Variants in DCC observed in about 807,000 individuals in gnomAD.
DCC encodes the protein netrin receptor DCC.
A neutral mutation model predicts 172.5 loss-of-function variants in DCC; 58 were observed. The ratio of observed to expected loss-of-function variants is 0.34; its 90% CI spans 0.27 to 0.42. The LOEUF is 0.42. DCC is among the 10% of genes least tolerant of loss of function. The pLI is 1.00. For synonymous variants in DCC, 709 were observed against 644.5 expected (o/e 1.10, Z -1.52); for missense variants, 1,740 against 1,791.0 (o/e 0.97, Z 0.51).
intron 7 of DCC, among the ~76,000 whole-genome samples, chr18:53,145,344 G>A (rs921469213): frequency 2.0e-5 from 3 of 151,990 alleles, no homozygotes; most frequent in East Asian, 1.9e-4. Flanking sequence ...AGATCTCCTG[G>A]CCTCGTGATC....
chr18:53,300,981 CTTT>C (rs2057130807), intron 12 of DCC, among the ~76,000 whole-genome samples: 1 of 143,190 alleles, frequency 7.0e-6, no homozygotes, highest in African/African-American at 2.5e-5. Context: ...TTCTTTCTTT[CTTT>C]CTTTCTTTTT....
At chr18:53,198,438 TCTCTCTC>T (rs2055482820) in intron 9 of DCC, among the ~76,000 whole-genome samples, 1 of 45,474 alleles carries the variant, frequency 2.2e-5, no homozygotes, top group Non-Finnish European at 6.4e-5. Flanking sequence ...AGCAGCTCTC[TCTCTCTC>T]TCTCTCTCTC....
intron 1 of DCC, among the ~76,000 whole-genome samples, chr18:52,400,885 T>C (rs924540783): frequency 6.6e-6 from 1 of 151,458 alleles, no homozygotes; most frequent in African/African-American, 2.4e-5. Context: ...TAAGTGGGAG[T>C]TGGACAGTGA....
At chr18:53,166,164 T>A (rs9949312) in intron 8 of DCC, among the ~76,000 whole-genome samples, 63,882 of 151,730 alleles carry the variant, frequency 0.42, 14,227 homozygotes, top group East Asian at 0.71. Context: ...GGTGAGGGAG[T>A]AGGGGTTGTC....
intron 2 of DCC, among the ~76,000 whole-genome samples, chr18:52,883,206 A>T (rs2145407912): frequency 1.3e-5 from 2 of 152,252 alleles, no homozygotes; most frequent in East Asian, 3.9e-4. Flanking sequence ...TAATCTATTA[A>T]GACATTCTAT....
chr18:52,638,766 C>T lies in DCC; in HGVS notation c.92-113288C>T, dbSNP rs563518031. ...GCAACACAGTAATAGTCAGGGACTT[C>T]AATACTCCACCAACTGCACTAGACA... On this transcript the variant is annotated intron_variant, in intron 1 of 28. Transcript: ENST00000442544. Among the ~76,000 whole-genome samples, 19 of 152,152 alleles carry T rather than the reference C, an allele frequency of 1.2e-4. 1 individual carries two copies. Among genetic ancestry groups the T allele is most frequent in the African/African-American group, 4.3e-4 (18 of 41,524 alleles).
chr18:52,832,815 T>C (rs1353822417), intron 2 of DCC, among the ~76,000 whole-genome samples: 1 of 152,156 alleles, frequency 6.6e-6, no homozygotes, highest in South Asian at 2.1e-4. Context: ...GTTTGCCAGT[T>C]TGGGGTACAC....
chr18:53,225,858 C>T (rs931765235), intron 12 of DCC, among the ~76,000 whole-genome samples: 2 of 151,970 alleles, frequency 1.3e-5, no homozygotes, highest in Non-Finnish European at 2.9e-5. Flanking sequence ...GGGTTTTATT[C>T]AGTTTGATGT....
intron 1 of DCC, among the ~76,000 whole-genome samples, chr18:52,647,586 A>C (rs1045952184): frequency 2.6e-5 from 4 of 152,174 alleles, no homozygotes; most frequent in Non-Finnish European, 4.4e-5. Flanking sequence ...AACACTTGCA[A>C]CAGCCACTTG....
At chr18:53,305,839 C>G (rs754004184) in intron 13 of DCC, 120 bp downstream of exon 13, 1 of 995,950 alleles carries the variant, frequency 1.0e-6, no homozygotes, top group Non-Finnish European at 1.6e-6. Context: ...CAGGTGACAT[C>G]TATTGGCTGG....
chr18:53,029,869 T>G (rs1402728198), intron 5 of DCC, among the ~76,000 whole-genome samples: 2 of 152,152 alleles, frequency 1.3e-5, no homozygotes, highest in Non-Finnish European at 2.9e-5. Flanking sequence ...CTCTTAAAGA[T>G]AGTTGACTCG....
At chr18:52,513,464 T>C (rs1282519759) in intron 1 of DCC, among the ~76,000 whole-genome samples, 1 of 152,232 alleles carries the variant, frequency 6.6e-6, no homozygotes, top group African/African-American at 2.4e-5. Flanking sequence ...GAATTATTAC[T>C]GGCTTATGTT....
chr18:52,618,196 C>T (rs895212537), intron 1 of DCC, among the ~76,000 whole-genome samples: 1 of 152,008 alleles, frequency 6.6e-6, no homozygotes, highest in Non-Finnish European at 1.5e-5. Flanking sequence ...CTCTGTCATC[C>T]TTTAGAATGG....
chr18:53,046,602 G>A (rs2042242264), intron 5 of DCC, among the ~76,000 whole-genome samples: 2 of 151,908 alleles, frequency 1.3e-5, no homozygotes, highest in African/African-American at 4.8e-5. Flanking sequence ...TTGCTGGAAA[G>A]TGTTAAAAAG....
chr18:52,863,950 A>G (rs1034968480), intron 2 of DCC, among the ~76,000 whole-genome samples: 2 of 152,170 alleles, frequency 1.3e-5, no homozygotes, highest in African/African-American at 4.8e-5. Flanking sequence ...ATTATTTACC[A>G]GAAGACTGCT....
At chr18:52,658,800 A>T (rs1264765821) in intron 1 of DCC, among the ~76,000 whole-genome samples, 1 of 152,202 alleles carries the variant, frequency 6.6e-6, no homozygotes. Flanking sequence ...TCTAGGGAAG[A>T]CAAATAACTG....
chr18:53,482,197 A>G (rs1350441079), intron 25 of DCC, among the ~76,000 whole-genome samples: 1 of 152,174 alleles, frequency 6.6e-6, no homozygotes, highest in Admixed American at 6.6e-5. Flanking sequence ...TTATAAGTAA[A>G]TGTAGACTTC....
chr18:53,101,214 T>C (rs1409947873), intron 7 of DCC, among the ~76,000 whole-genome samples: 1 of 152,136 alleles, frequency 6.6e-6, no homozygotes, highest in Non-Finnish European at 1.5e-5. Context: ...ACACTCAGGA[T>C]GGATGGCGTG....
intron 1 of DCC, among the ~76,000 whole-genome samples, chr18:52,689,546 T>A (rs750084319): frequency 1.3e-5 from 2 of 152,158 alleles, no homozygotes; most frequent in Non-Finnish European, 2.9e-5. Flanking sequence ...AGGGACCCTA[T>A]GCTTCTTCCT....
Sources: allele counts gnomAD v4.1 joint callset (sites outside exome capture counted in the v4.1 genomes callset), GRCh38; gene constraint gnomAD v4.1.1; transcripts MANE v1.5; gene names NCBI Gene and HGNC (gene_info 2026-07-23, HGNC 2026-07-21).